FBRS: variants seen among roughly 807,000 people sequenced by gnomAD.
The protein encoded by FBRS is fibrosin, also known as probable fibrosin-1.
A neutral mutation model predicts 86.1 loss-of-function variants in FBRS; 15 were observed. That is an observed-to-expected ratio of 0.17 (90% confidence interval 0.12 to 0.27). The LOEUF (loss-of-function observed/expected upper bound fraction) is 0.27. FBRS is among the 10% of genes least tolerant of loss of function. The pLI is 1.00. For synonymous variants in FBRS, 666 were observed against 575.8 expected (o/e 1.16, Z -2.24); for missense variants, 1,367 against 1,301.6 (o/e 1.05, Z -0.77).
rs1240774778 is a variant in FBRS at position 30,662,683 on chromosome 16, C to T, written c.879C>T (p.Phe293=). ...GGCCCGACCCGCTGCTAGTGCCTTT[C>T]CCCCCAAAGGAACCACCGCCTCCAC... ...PPGPDPLLVP[F]PPKEPPPPPV... The change falls in exon 6 of 18, where the codon TTC becomes TTT. Residue 293 remains phenylalanine (F), a synonymous_variant. Transcript: ENST00000356166. 7 of 1,549,036 alleles carry T rather than the reference C, an allele frequency of 4.5e-6. No homozygotes were observed. The highest frequency in any genetic ancestry group is 2.0e-5 in the Admixed American group (1 of 50,826).
rs1222428236 is a variant in FBRS at position 30,664,296 on chromosome 16, C to T, written c.1137C>T (p.Ser379=). Residue 379 remains serine, a synonymous_variant, in exon 7 of 18, where the codon TCC becomes TCT. Coordinates refer to ENST00000356166, the MANE Select transcript of FBRS (RefSeq NM_001105079.3). ...CATCATCCTCTTCGTCCTCCTCCTCCTCATCTGCCTCCTCCTCGTCCGCGC... is the reference window on the plus strand; with the variant it reads ...CATCATCCTCTTCGTCCTCCTCCTCTTCATCTGCCTCCTCCTCGTCCGCGC... ...PPSSSSSSSS[S]SSASSSSAQL... is the part of the protein sequence containing the mutation. 7 of 1,531,420 alleles carry T rather than the reference C, an allele frequency of 4.6e-6. No homozygotes were observed. Among genetic ancestry groups the T allele is most frequent in the Admixed American group, 2.0e-5 (1 of 50,130 alleles). 94.9% of individuals were successfully genotyped at this position (1,531,420 alleles called of 1,614,324 possible).
At position 30,659,478 on chromosome 16, in the gene FBRS, G is replaced by C; in HGVS notation, c.-41G>C. The C allele has an allele frequency of 1.5e-5, 4 of 274,148 alleles. No individual in the cohort carries two copies. The highest frequency in any genetic ancestry group is 2.7e-5 in the Non-Finnish European group (4 of 146,696). 17.0% of individuals were successfully genotyped at this position (274,148 alleles called of 1,614,324 possible). A position where few individuals can be genotyped will look rare whatever the true frequency, so the allele number is the denominator to read the frequency against. ...CCCGGGCCTGCGGACAGGCCGCTTC[G>C]GGCCCCGCCGCCTCCGGATGCGGCG... On this transcript the variant is annotated 5_prime_UTR_variant, in exon 1 of 18. Transcript: ENST00000356166.
In FBRS at chr16:30,658,793, C is replaced by G. The variant is rs991600962; in HGVS notation, c.-726C>G. 4 of 152,250 alleles carry G rather than the reference C, an allele frequency of 2.6e-5. No homozygotes were observed. The highest frequency in any genetic ancestry group is 9.6e-5 in the African/African-American group (4 of 41,540). 9.4% of individuals were successfully genotyped at this position (152,250 alleles called of 1,614,324 possible). On this transcript the variant is annotated 5_prime_UTR_variant, in exon 1 of 18. Coordinates refer to ENST00000356166, the MANE Select transcript of FBRS (RefSeq NM_001105079.3). ...TTAAATCTCCTTAAAGGGGTGGCCA[C>G]TGAACTCGGCGGACTGCAACGCCAG...
At position 30,664,323 on chromosome 16, in the gene FBRS, G is replaced by C. The variant is rs1175946389; in HGVS notation, c.1164G>C (p.Gln388His). ...CATCTGCCTCCTCCTCGTCCGCGCA[G>C]CTCACCCACCGGCCCCCGACGCCCT... is the stretch of plus-strand genomic sequence containing the variant. Reference protein sequence around the residue: ...SSSSASSSSAQLTHRPPTPSL... With the variant: ...SSSSASSSSAHLTHRPPTPSL... The change falls in exon 7 of 18, where the codon CAG becomes CAC. Residue 388 changes from glutamine (Q) to histidine (H), a missense_variant. Physicochemically the swap from Gln to His is conservative, Grantham distance 24. Coordinates refer to ENST00000356166, the MANE Select transcript of FBRS (RefSeq NM_001105079.3). 1 of 1,536,804 alleles carries C rather than the reference G, an allele frequency of 6.5e-7. No homozygotes were observed. Among genetic ancestry groups the C allele is most frequent in the South Asian group, 1.2e-5 (1 of 82,702 alleles).
Position 30,659,887 on chromosome 16 carries a change from CGAGGAGGAGCCTGAGGAG to C in FBRS, c.375_392del (p.Pro127_Glu132del). 1 of 1,548,234 alleles carries C rather than the reference CGAGGAGGAGCCTGAGGAG, an allele frequency of 6.5e-7. No individual in the cohort carries two copies. Among genetic ancestry groups the C allele is most frequent in the South Asian group, 1.2e-5 (1 of 84,112 alleles). Reference sequence around the variant, plus strand: ...AGGGGGGCGCAGACGACGGCGAAGCCGAGGAGGAGCCTGAGGAGGAGGAAGAGGAGGAGGAGGACTTGA... The same window carrying C: ...AGGGGGGCGCAGACGACGGCGAAGCCGAGGAAGAGGAGGAGGAGGACTTGA... On this transcript the variant is annotated inframe_deletion, in exon 1 of 18. Coordinates refer to ENST00000356166, the MANE Select transcript of FBRS (RefSeq NM_001105079.3).
At chr16:30,664,564 T>C in intron 7 of FBRS, 48 bp downstream of exon 7, 3 of 1,428,618 alleles carry the variant, frequency 2.1e-6, no homozygotes, top group Non-Finnish European at 2.7e-6. Context: ...CACCCCGGGC[T>C]CGGGCCCAGT....
At chr16:30,661,663 A>G (rs2052463275) in intron 4 of FBRS, among the ~76,000 whole-genome samples, 5 of 152,140 alleles carry the variant, frequency 3.3e-5, no homozygotes, top group Admixed American at 2.6e-4. Context: ...CCATCTTAGA[A>G]TGAAGATCTA....
intron 6 of FBRS, among the ~76,000 whole-genome samples, chr16:30,663,691 A>G (rs1441436103): frequency 6.6e-6 from 1 of 152,174 alleles, no homozygotes; most frequent in East Asian, 1.9e-4. Context: ...GGTAAGAACT[A>G]TTGACACTTA....
In FBRS at chr16:30,658,517, A is replaced by T. The variant is rs1280638939; in HGVS notation, c.-1002A>T. ...GAGAAGCGCCCTAAGACTCCAAAGG[A>T]GACAACAGGAGTTTGTGCTGGAGCT... On this transcript the variant is annotated 5_prime_UTR_variant, in exon 1 of 18. Transcript: ENST00000356166. 6.6e-6 allele frequency: 1 copy of T among 152,472 alleles called. No individual in the cohort carries two copies. The highest frequency in any genetic ancestry group is 1.5e-5 in the Non-Finnish European group (1 of 68,194). The allele number at this position is 152,472 out of a possible 1,614,324, so 9.4% of individuals were successfully genotyped here.
At chr16:30,667,904 C>T in intron 15 of FBRS, 1 of 390,734 alleles carries the variant, frequency 2.6e-6, no homozygotes, top group Non-Finnish European at 4.6e-6. Context: ...GGAGGCCATG[C>T]TGGCCCAGGG....
intron 6 of FBRS, 51 bp from the exon 7 acceptor site, chr16:30,664,164 C>T: frequency 7.8e-7 from 1 of 1,284,502 alleles, no homozygotes; most frequent in Non-Finnish European, 9.9e-7. Flanking sequence ...CCCCTCCCGT[C>T]AGAGCTGGCA....
chr16:30,666,718 C>T (rs2052526122), intron 12 of FBRS, among the ~76,000 whole-genome samples, 177 bp downstream of exon 12: 1 of 152,160 alleles, frequency 6.6e-6, no homozygotes, highest in Non-Finnish European at 1.5e-5. Context: ...TGGAACTGGC[C>T]ATGGGACCTT....
rs572921114 is a variant in FBRS, at chr16:30,665,363, G to T, written c.1666G>T (p.Val556Phe). 6.4e-7 allele frequency: 1 copy of T among 1,571,504 alleles called. No homozygotes were observed. The highest frequency in any genetic ancestry group is 8.6e-7 in the Non-Finnish European group (1 of 1,158,884). ...PGLPPGLPPA[V>F]SFGSLQGAFQ... is the part of the protein sequence containing the mutation. ...GCTGCCTCCGGGCCTCCCGCCGGCC[G>T]TCTCCTTTGGCTCCCTGCAGGGGGC... Residue 556 changes from valine (V) to phenylalanine (F), a missense_variant, in exon 10 of 18, where the codon GTC becomes TTC. Around this residue, in one of 3 missense-constraint regions of FBRS, gnomAD observed 659 missense variants for 678.8 expected, o/e 0.97. Coordinates refer to ENST00000356166, the MANE Select transcript of FBRS (RefSeq NM_001105079.3). This position sits in a 1 kb window ranked among gnomAD's most constrained non-coding sequence, Gnocchi z 4.1.
rs1038891423 is a variant in FBRS at position 30,667,131 on chromosome 16, A to G, written c.1875+141A>G. 4.9e-6 allele frequency: 5 copies of G among 1,014,210 alleles called. No individual in the cohort carries two copies. In the African/African-American group the frequency reaches 8.0e-5, roughly 16 times the overall value. 62.8% of individuals were successfully genotyped at this position (1,014,210 alleles called of 1,614,324 possible). A position where few individuals can be genotyped will look rare whatever the true frequency, so the allele number is the denominator to read the frequency against. On this transcript the variant is annotated intron_variant, in intron 13 of 17. Coordinates refer to ENST00000356166, the MANE Select transcript of FBRS (RefSeq NM_001105079.3). ...TCCCCCATCACTGCTGAACAGTTCT[A>G]TGGCTGGCACCTTAGTTCTCTGGCT...
At chr16:30,662,133 T>A in intron 4 of FBRS, 1 of 408,678 alleles carries the variant, frequency 2.4e-6, no homozygotes, top group Middle Eastern at 6.6e-4. Context: ...GGCCAGCAGC[T>A]AGTGACCTCT....
rs771314040 is a variant in FBRS at position 30,666,518 on chromosome 16, G to A, written c.1780G>A (p.Asp594Asn). ...GLSQKGTQIP[D>N]HFRPPLRKPG... ...TCTCCTTTGCCATCCCCAGATCCCCGACCATTTCCGGCCACCTTTGAGGGT... is the reference window on the plus strand; with the variant it reads ...TCTCCTTTGCCATCCCCAGATCCCCAACCATTTCCGGCCACCTTTGAGGGT... Residue 594 changes from aspartate to asparagine, a missense_variant, in exon 12 of 18, where the codon GAC (aspartate) becomes AAC (asparagine). Coordinates refer to ENST00000356166, the MANE Select transcript of FBRS (RefSeq NM_001105079.3). 5.1e-5 allele frequency: 82 copies of A among 1,613,876 alleles called. No individual in the cohort carries two copies. Among genetic ancestry groups the A allele is most frequent in the South Asian group, 6.6e-5 (6 of 91,080 alleles).
chr16:30,661,396 G>A (rs2052459766), intron 4 of FBRS, 63 bp downstream of exon 4: 1 of 1,550,518 alleles, frequency 6.4e-7, no homozygotes, highest in African/African-American at 1.4e-5. Flanking sequence ...GCAGCATAAA[G>A]GTCTTCTGCG....
At position 30,662,905 on chromosome 16, in the gene FBRS, G is replaced by A. The variant is rs990224869; in HGVS notation, c.1055+46G>A. On this transcript the variant is annotated intron_variant, in intron 6 of 17. Transcript: ENST00000356166. Reference sequence around the variant, plus strand: ...GATGCGGTCCGGAAGGGCCTGGTCAGTTTGGTGGCGGGGACACAGGATGGT... The same window carrying A: ...GATGCGGTCCGGAAGGGCCTGGTCAATTTGGTGGCGGGGACACAGGATGGT... 5.0e-6 allele frequency: 7 copies of A among 1,396,088 alleles called. No homozygotes were observed. In the Admixed American group the frequency reaches 2.0e-4, roughly 40 times the overall value. The allele number at this position is 1,396,088 out of a possible 1,614,324, so 86.5% of individuals were successfully genotyped here.
rs1377646470 is a variant in FBRS at position 30,659,485 on chromosome 16, G to A, written c.-34G>A. On this transcript the variant is annotated 5_prime_UTR_variant, in exon 1 of 18. Coordinates refer to ENST00000356166, the MANE Select transcript of FBRS (RefSeq NM_001105079.3). The stretch of plus-strand genomic sequence containing the variant: ...CTGCGGACAGGCCGCTTCGGGCCCC[G>A]CCGCCTCCGGATGCGGCGCTGAGGG... 7.1e-6 allele frequency: 2 copies of A among 279,760 alleles called. No individual in the cohort carries two copies. Among genetic ancestry groups the A allele is most frequent in the Non-Finnish European group, 1.3e-5 (2 of 150,358 alleles). The allele number at this position is 279,760 out of a possible 1,614,324, so 17.3% of individuals were successfully genotyped here.
Sources: gnomAD v4.1 joint callset for allele counts (sites outside exome capture counted in the v4.1 genomes callset) on GRCh38, gnomAD v4.1.1 for gene constraint, gnomAD v4.1.1 regional missense constraint, Gnocchi (gnomAD v3.1) non-coding constraint, MANE v1.5 for transcripts, NCBI Gene and HGNC (gene_info 2026-07-23, HGNC 2026-07-21) for gene names.